GPR137C: variants seen among roughly 807,000 people sequenced by gnomAD.
GPR137C encodes the protein integral membrane protein GPR137C.
In GPR137C, 27 loss-of-function variants were observed where a neutral mutation model predicts 43.4. The ratio of observed to expected loss-of-function variants is 0.62; its 90% confidence interval spans 0.46 to 0.86. GPR137C has a LOEUF of 0.86. GPR137C is among the 40% of genes least tolerant of loss of function. GPR137C has a pLI of 0.00. For missense variants in GPR137C, 522 were observed against 534.6 expected (o/e 0.98, Z 0.23); for synonymous variants, 285 against 226.9 (o/e 1.26, Z -2.30).
chr14:52,602,513 T>TA (rs1343372247), intron 3 of GPR137C, among the ~76,000 whole-genome samples: 1 of 152,126 alleles, frequency 6.6e-6, no homozygotes, highest in Non-Finnish European at 1.5e-5. Flanking sequence ...CAACCAATCT[T>TA]ACCTTCCTTA....
At chr14:52,596,492 C>T (rs1200459827) in intron 1 of GPR137C, among the ~76,000 whole-genome samples, 1 of 152,254 alleles carries the variant, frequency 6.6e-6, no homozygotes, top group East Asian at 1.9e-4. Context: ...TTCGAGCTTC[C>T]TGGCTGGTTT....
chr14:52,576,023 G>A (rs1232365441), intron 1 of GPR137C, among the ~76,000 whole-genome samples: 1 of 152,126 alleles, frequency 6.6e-6, no homozygotes, highest in Non-Finnish European at 1.5e-5. Flanking sequence ...CATCCACATG[G>A]CTGACTTTAC....
chr14:52,637,093 G>C lies in GPR137C; in HGVS notation c.*1978G>C, dbSNP rs1364608393. The C allele has an allele frequency of 6.6e-6, 1 of 151,988 alleles. No individual in the cohort carries two copies. Among genetic ancestry groups the C allele is most frequent in the Non-Finnish European group, 1.5e-5 (1 of 67,962 alleles). The allele number at this position is 151,988 out of a possible 1,614,324, so 9.4% of individuals were successfully genotyped here. A position where few individuals can be genotyped will look rare whatever the true frequency, so the allele number is the denominator to read the frequency against. On this transcript the variant is annotated 3_prime_UTR_variant, in exon 7 of 7. Transcript: ENST00000321662. ...AAAAATTTTTCAGATAAAATAACTT[G>C]GTTCTTTCTGCTGCATTAGTTGATT...
chr14:52,574,414 T>A lies in GPR137C; in HGVS notation c.444+20823T>A, dbSNP rs367849451. On this transcript the variant is annotated intron_variant, in intron 1 of 6. Coordinates refer to ENST00000321662, the MANE Select transcript of GPR137C (RefSeq NM_001099652.2). ...TAAAAAAGGATGAGTTCATGTCCTT[T>A]GCAGGGACATGGATGAAGCTGGAAA... Among the ~76,000 whole-genome samples the A allele has an allele frequency of 2.2e-4, 33 of 152,320 alleles. No homozygotes were observed. In the East Asian group the frequency reaches 3.1e-3, roughly 14 times the overall value.
intron 3 of GPR137C, among the ~76,000 whole-genome samples, chr14:52,631,426 AT>A (rs1449057118): frequency 6.6e-5 from 10 of 152,112 alleles, no homozygotes; most frequent in East Asian, 1.9e-4. Flanking sequence ...TCACAGAGTA[AT>A]TTTTTTAATG....
At chr14:52,554,714 A>T (rs1251061238) in intron 1 of GPR137C, among the ~76,000 whole-genome samples, 1 of 35,300 alleles carries the variant, frequency 2.8e-5, no homozygotes, top group Non-Finnish European at 4.5e-5. Flanking sequence ...AAGCAAAAGT[A>T]AAAAAAAAAA....
intron 3 of GPR137C, among the ~76,000 whole-genome samples, chr14:52,615,237 C>A (rs1056369834): frequency 6.6e-6 from 1 of 152,138 alleles, no homozygotes; most frequent in Admixed American, 6.5e-5. Flanking sequence ...ATGTTCTTGG[C>A]ACCTTTGTCA....
chr14:52,582,592 G>A (rs777802847), intron 1 of GPR137C, among the ~76,000 whole-genome samples: 1 of 152,150 alleles, frequency 6.6e-6, no homozygotes, highest in Admixed American at 6.5e-5. Flanking sequence ...TAAGGAGTTC[G>A]AGACCAGCCT....
At chr14:52,632,423 G>A (rs906613502) in intron 4 of GPR137C, 114 bp downstream of exon 4, 2 of 714,478 alleles carry the variant, frequency 2.8e-6, no homozygotes, top group East Asian at 2.6e-5. Context: ...TCTGTCTACT[G>A]TCAGTAATCA....
chr14:52,579,048 C>A (rs1376800942), intron 1 of GPR137C, among the ~76,000 whole-genome samples: 1 of 152,124 alleles, frequency 6.6e-6, no homozygotes, highest in Non-Finnish European at 1.5e-5. Context: ...TACAGAACCC[C>A]CGTTGCTAGT....
intron 3 of GPR137C, chr14:52,611,500 AT>A (rs1338280397): frequency 2.9e-6 from 1 of 342,828 alleles, no homozygotes; most frequent in African/African-American, 2.2e-5. Flanking sequence ...TATTCCTTGA[AT>A]TTTAAGGATA....
intron 1 of GPR137C, among the ~76,000 whole-genome samples, chr14:52,591,600 G>C (rs1232793062): frequency 6.6e-6 from 1 of 152,154 alleles, no homozygotes; most frequent in Non-Finnish European, 1.5e-5. Flanking sequence ...ATTTTTTCAT[G>C]TGTCTGTTGG....
At chr14:52,571,866 G>C (rs1325059127) in intron 1 of GPR137C, among the ~76,000 whole-genome samples, 1 of 151,954 alleles carries the variant, frequency 6.6e-6, no homozygotes, top group Non-Finnish European at 1.5e-5. Context: ...TAATAAAGAA[G>C]AAAAGAAAGA....
chr14:52,567,870 G>C (rs533467249), intron 1 of GPR137C, among the ~76,000 whole-genome samples: 136 of 152,194 alleles, frequency 8.9e-4, no homozygotes, highest in African/African-American at 3.2e-3. Flanking sequence ...ATGTTGGTCA[G>C]GCTGGTCTCG....
At chr14:52,554,683 TG>T (rs1013877875) in intron 1 of GPR137C, among the ~76,000 whole-genome samples, 55 of 149,556 alleles carry the variant, frequency 3.7e-4, no homozygotes, top group African/African-American at 1.3e-3. Flanking sequence ...TTTTTGGAGG[TG>T]ATGGAATTAA....
chr14:52,562,056 C>G (rs758069691), intron 1 of GPR137C, among the ~76,000 whole-genome samples: 1 of 152,152 alleles, frequency 6.6e-6, no homozygotes, highest in Non-Finnish European at 1.5e-5. Context: ...AAGAAATGTA[C>G]AACCTGCAGC....
chr14:52,599,451 A>G (rs201393366), intron 2 of GPR137C, among the ~76,000 whole-genome samples: 63 of 52,816 alleles, frequency 1.2e-3, no homozygotes, highest in Non-Finnish European at 1.9e-3. Flanking sequence ...TTTTTTTTTT[A>G]TTGATACAGT....
At chr14:52,580,801 TTATA>T (rs1057290825) in intron 1 of GPR137C, among the ~76,000 whole-genome samples, 2 of 143,392 alleles carry the variant, frequency 1.4e-5, no homozygotes, top group African/African-American at 2.5e-5. Context: ...ATATTTATAT[TTATA>T]TATTATTTAT....
chr14:52,555,290 A>G (rs1191933441), intron 1 of GPR137C, among the ~76,000 whole-genome samples: 3 of 152,070 alleles, frequency 2.0e-5, no homozygotes, highest in South Asian at 2.1e-4. Context: ...GTGGGTAAAC[A>G]CTCTTTTTAC....
Sources: allele counts gnomAD v4.1 joint callset (sites outside exome capture counted in the v4.1 genomes callset), GRCh38; gene constraint gnomAD v4.1.1; transcripts MANE v1.5; gene names NCBI Gene and HGNC (gene_info 2026-07-23, HGNC 2026-07-21).